LLPH: variants seen among roughly 807,000 people sequenced by gnomAD.
LLPH encodes LLP homolog, long-term synaptic facilitation factor.
A neutral mutation model predicts 13.3 loss-of-function variants in LLPH; 5 were observed. That is an observed-to-expected ratio of 0.38 (90% CI 0.20 to 0.79). The LOEUF (loss-of-function observed/expected upper bound fraction) is 0.79, where lower values mean the gene tolerates loss of function less well. Among genes scored for constraint, LLPH ranks in the 30% least tolerant of loss-of-function variants. LLPH has a pLI of 0.45. For synonymous variants in LLPH, 32 were observed against 44.2 expected (o/e 0.72, Z 1.09); for missense variants, 129 against 152.1 (o/e 0.85, Z 0.80).
At chr12:66,125,432 G>A (rs1274091849) in intron 2 of LLPH, among the ~76,000 whole-genome samples, 1 of 152,176 alleles carries the variant, frequency 6.6e-6, no homozygotes, top group Middle Eastern at 3.2e-3. Flanking sequence ...GCAGTTGAAA[G>A]AGTAGAAATA....
At chr12:66,126,335 G>C (rs1191016098) in intron 2 of LLPH, among the ~76,000 whole-genome samples, 1 of 111,474 alleles carries the variant, frequency 9.0e-6, no homozygotes, top group Non-Finnish European at 1.9e-5. Context: ...AAAAAAAAAA[G>C]TAAAAAAAAA....
At chr12:66,128,769 T>A in intron 2 of LLPH, 127 bp downstream of exon 2, 3 of 668,120 alleles carry the variant, frequency 4.5e-6, no homozygotes. Flanking sequence ...CCGCTTCAGC[T>A]CAGGAATTCA....
chr12:66,122,792 T>G lies in LLPH; in HGVS notation c.*1048A>C, dbSNP rs77264018. 1 of 152,074 alleles carries G rather than the reference T, an allele frequency of 6.6e-6. No individual in the cohort carries two copies. Among genetic ancestry groups the G allele is most frequent in the African/African-American group, 2.4e-5 (1 of 41,406 alleles). 9.4% of individuals were successfully genotyped at this position (152,074 alleles called of 1,614,324 possible). ...CGATGTGAACACAATTTATTTTTTT[T>G]AACCAAGCATCCAGAGGAAACTGAT... On this transcript the variant is annotated 3_prime_UTR_variant, in exon 3 of 3. Coordinates refer to ENST00000266604, the MANE Select transcript of LLPH (RefSeq NM_032338.4).
In LLPH at chr12:66,123,936, G is replaced by T; in HGVS notation, c.294C>A (p.Asn98Lys). Residue 98 changes from asparagine (N) to lysine (K), a missense_variant, in exon 3 of 3, where the codon AAC (asparagine) becomes AAA (lysine). Transcript: ENST00000266604. ...CCTTCAGCCTTTTTCTTTGCCTTTG[G>T]TTCATCCATATTGGGTACTGTCCAT... is the stretch of plus-strand genomic sequence containing the variant. The part of the protein sequence containing the change: ...DQHGQYPIWM[N>K]QRQRKRLKAK... 1 of 1,612,492 alleles carries T rather than the reference G, an allele frequency of 6.2e-7. No individual in the cohort carries two copies. The highest frequency in any genetic ancestry group is 8.5e-7 in the Non-Finnish European group (1 of 1,179,038).
At position 66,117,002 on chromosome 12, in the gene LLPH, TAC is replaced by T. The variant is rs2051432146; in HGVS notation, c.*6836_*6837del. 1 of 152,188 alleles carries T rather than the reference TAC, an allele frequency of 6.6e-6. No individual in the cohort carries two copies. The highest frequency in any genetic ancestry group is 1.5e-5 in the Non-Finnish European group (1 of 68,026). The allele number at this position is 152,188 out of a possible 1,614,324, so 9.4% of individuals were successfully genotyped here. ...TTTCCACCAAAAAGATACTTAAGTC[TAC>T]AGTTATGTAGTACCAAAAAACTATG... is the stretch of plus-strand genomic sequence containing the variant. On this transcript the variant is annotated 3_prime_UTR_variant, in exon 3 of 3. Coordinates refer to ENST00000266604, the MANE Select transcript of LLPH (RefSeq NM_032338.4).
rs796235775 is a variant in LLPH, at chr12:66,117,049, T to C, written c.*6791A>G. On this transcript the variant is annotated 3_prime_UTR_variant, in exon 3 of 3. Coordinates refer to ENST00000266604, the MANE Select transcript of LLPH (RefSeq NM_032338.4). Reference sequence around the variant, plus strand: ...ACTATGTAGAGCAAAACAAGCATGATACATTTCAAACATGACAATTTATTA... The same window carrying C: ...ACTATGTAGAGCAAAACAAGCATGACACATTTCAAACATGACAATTTATTA... 16 of 152,304 alleles carry C rather than the reference T, an allele frequency of 1.1e-4. No individual in the cohort carries two copies. Among genetic ancestry groups the C allele is most frequent in the African/African-American group, 3.6e-4 (15 of 41,566 alleles). The allele number at this position is 152,304 out of a possible 1,614,324, so 9.4% of individuals were successfully genotyped here.
At chr12:66,128,224 T>C (rs1183903166) in intron 2 of LLPH, among the ~76,000 whole-genome samples, 3 of 152,216 alleles carry the variant, frequency 2.0e-5, no homozygotes, top group South Asian at 4.1e-4. Flanking sequence ...AATACTGCTC[T>C]TTTCCTTGGG....
Position 66,121,449 on chromosome 12 carries a change from A to C in LLPH, c.*2391T>G, listed in dbSNP as rs2051462256. The C allele has an allele frequency of 1.3e-5, 2 of 151,660 alleles. No individual in the cohort carries two copies. Among genetic ancestry groups the C allele is most frequent in the South Asian group, 4.2e-4 (2 of 4,806 alleles). The allele number at this position is 151,660 out of a possible 1,614,324, so 9.4% of individuals were successfully genotyped here. Reference sequence around the variant, plus strand: ...AGGCACCTGCCACCATGCCCAGCTAACTTTGTATTTTTAGTAGAGACAGGG... The same window carrying C: ...AGGCACCTGCCACCATGCCCAGCTACCTTTGTATTTTTAGTAGAGACAGGG... On this transcript the variant is annotated 3_prime_UTR_variant, in exon 3 of 3. Transcript: ENST00000266604.
Position 66,128,879 on chromosome 12 carries a change from A to T in LLPH, c.211+17T>A, listed in dbSNP as rs1283772132. 1.0e-5 allele frequency: 16 copies of T among 1,537,638 alleles called. No homozygotes were observed. Among genetic ancestry groups the T allele is most frequent in the Non-Finnish European group, 1.4e-5 (16 of 1,131,534 alleles). ...AAAAAAAAAAAAAAGAGAAAGAAAA[A>T]GGAGAAGCACACTCACCTTTTTCAT... On this transcript the variant is annotated intron_variant, in intron 2 of 2. Coordinates refer to ENST00000266604, the MANE Select transcript of LLPH (RefSeq NM_032338.4).
chr12:66,117,847 A>C lies in LLPH; in HGVS notation c.*5993T>G, dbSNP rs2051438517. The C allele has an allele frequency of 6.6e-6, 1 of 152,252 alleles. No individual in the cohort carries two copies. Among genetic ancestry groups the C allele is most frequent in the African/African-American group, 2.4e-5 (1 of 41,466 alleles). 9.4% of individuals were successfully genotyped at this position (152,252 alleles called of 1,614,324 possible). A position where few individuals can be genotyped will look rare whatever the true frequency, so the allele number is the denominator to read the frequency against. On this transcript the variant is annotated 3_prime_UTR_variant, in exon 3 of 3. Transcript: ENST00000266604. The stretch of plus-strand genomic sequence containing the variant: ...AAGAAGTAAAAAAAGAAATTAAAAA[A>C]TTAAAAATTGTGGAAATAGAAAAAA...
rs2136825429 is a variant in LLPH, at chr12:66,119,360, C to T, written c.*4480G>A. The T allele has an allele frequency of 6.6e-6, 1 of 152,278 alleles. No individual in the cohort carries two copies. Among genetic ancestry groups the T allele is most frequent in the East Asian group, 1.9e-4 (1 of 5,186 alleles). The allele number at this position is 152,278 out of a possible 1,614,324, so 9.4% of individuals were successfully genotyped here. On this transcript the variant is annotated 3_prime_UTR_variant, in exon 3 of 3. Transcript: ENST00000266604. ...CCTGCTCTAAAATAACTGCAAAAGA[C>T]TCTTGGCATTCAACTGCGGAAAATT... is the stretch of plus-strand genomic sequence containing the variant.
intron 2 of LLPH, among the ~76,000 whole-genome samples, 198 bp downstream of exon 2, chr12:66,128,698 G>T (rs113257787): frequency 6.6e-6 from 1 of 151,962 alleles, no homozygotes; most frequent in South Asian, 2.1e-4. Context: ...AGCGCAGAGG[G>T]GCTGGGCACT....
chr12:66,119,419 G>C lies in LLPH; in HGVS notation c.*4421C>G, dbSNP rs1322782483. ...TGTAAGCAGGCCCAAAAGTGGCCCT[G>C]GGCCTCCTGGCTACCTGACAGTCCT... On this transcript the variant is annotated 3_prime_UTR_variant, in exon 3 of 3. Transcript: ENST00000266604. The C allele has an allele frequency of 6.6e-6, 1 of 152,144 alleles. No individual in the cohort carries two copies. The highest frequency in any genetic ancestry group is 1.5e-5 in the Non-Finnish European group (1 of 68,030). 9.4% of individuals were successfully genotyped at this position (152,144 alleles called of 1,614,324 possible). A position where few individuals can be genotyped will look rare whatever the true frequency, so the allele number is the denominator to read the frequency against.
chr12:66,128,823 G>A, intron 2 of LLPH, 73 bp downstream of exon 2: 1 of 1,032,066 alleles, frequency 9.7e-7, no homozygotes, highest in East Asian at 2.4e-5. Context: ...TCTAGCCTAG[G>A]TGACAGAGGA....
Position 66,130,726 on chromosome 12 carries a change from C to G in LLPH, c.-29G>C, listed in dbSNP as rs1172662735. The G allele has an allele frequency of 6.6e-6, 1 of 152,272 alleles. No individual in the cohort carries two copies. The highest frequency in any genetic ancestry group is 1.5e-5 in the Non-Finnish European group (1 of 68,050). 9.4% of individuals were successfully genotyped at this position (152,272 alleles called of 1,614,324 possible). A position where few individuals can be genotyped will look rare whatever the true frequency, so the allele number is the denominator to read the frequency against. ...TCACCTGAGAAACGAACACCCACAC[C>G]TCACGCTCACGCCGACCGGAAGTCT... On this transcript the variant is annotated 5_prime_UTR_variant, in exon 1 of 3. Coordinates refer to ENST00000266604, the MANE Select transcript of LLPH (RefSeq NM_032338.4).
rs1222579573 is a variant in LLPH at position 66,121,756 on chromosome 12, C to T, written c.*2084G>A. ...AAAATTAGCTGGGCGTGGTGGCACC[C>T]ACCTGTAGTCCCAGCTACTGGGGAG... On this transcript the variant is annotated 3_prime_UTR_variant, in exon 3 of 3. Coordinates refer to ENST00000266604, the MANE Select transcript of LLPH (RefSeq NM_032338.4). 6.6e-6 allele frequency: 1 copy of T among 151,604 alleles called. No homozygotes were observed. The highest frequency in any genetic ancestry group is 2.0e-4 in the East Asian group (1 of 5,072). 9.4% of individuals were successfully genotyped at this position (151,604 alleles called of 1,614,324 possible).
At chr12:66,124,828 C>T (rs78860720) in intron 2 of LLPH, among the ~76,000 whole-genome samples, 208 of 152,248 alleles carry the variant, frequency 1.4e-3, no homozygotes, top group Non-Finnish European at 2.4e-3. Context: ...ATATAGTGGT[C>T]CATATGAACT....
intron 2 of LLPH, among the ~76,000 whole-genome samples, chr12:66,128,041 T>C (rs1200606875): frequency 6.6e-6 from 1 of 152,212 alleles, no homozygotes; most frequent in Non-Finnish European, 1.5e-5. Context: ...ACTTGGGTAG[T>C]GGAAAGATGA....
In LLPH at chr12:66,118,060, AGT is replaced by A. The variant is rs1464016034; in HGVS notation, c.*5778_*5779del. The A allele has an allele frequency of 6.6e-6, 1 of 152,176 alleles. No homozygotes were observed. Among genetic ancestry groups the A allele is most frequent in the African/African-American group, 2.4e-5 (1 of 41,438 alleles). The allele number at this position is 152,176 out of a possible 1,614,324, so 9.4% of individuals were successfully genotyped here. A position where few individuals can be genotyped will look rare whatever the true frequency, so the allele number is the denominator to read the frequency against. On this transcript the variant is annotated 3_prime_UTR_variant, in exon 3 of 3. Coordinates refer to ENST00000266604, the MANE Select transcript of LLPH (RefSeq NM_032338.4). ...ATAAGTTTATGTAGCCTAAGTGCAC[AGT>A]GTATATAAAGCCTACAGCAGGCCGA...
Sources: gnomAD v4.1 joint callset for allele counts (sites outside exome capture counted in the v4.1 genomes callset) on GRCh38, gnomAD v4.1.1 for gene constraint, MANE v1.5 for transcripts, NCBI Gene and HGNC (gene_info 2026-07-23, HGNC 2026-07-21) for gene names.